DLGAP2: variants seen among roughly 807,000 people sequenced by gnomAD.
DLGAP2 encodes DLG associated protein 2.
In DLGAP2, 26 loss-of-function variants were observed where a neutral mutation model predicts 100.3. The observed-to-expected ratio is 0.26, with a 90% CI of 0.19 to 0.36. The LOEUF is 0.36. Among genes scored for constraint, DLGAP2 ranks in the 10% least tolerant of loss-of-function variants. DLGAP2 has a pLI of 1.00. For synonymous variants in DLGAP2, 886 were observed against 630.1 expected, an observed-to-expected ratio of 1.41 and a Z score of -6.08; for missense variants, 1,858 against 1,453.2, an observed-to-expected ratio of 1.28 and a Z score of -4.53.
intron 2 of DLGAP2, among the ~76,000 whole-genome samples, chr8:1,074,000 G>A (rs892519168): frequency 1.5e-4 from 23 of 149,286 alleles, no homozygotes; most frequent in African/African-American, 5.9e-4. Flanking sequence ...TAACAGAAGG[G>A]TTTGCAGCAG....
intron 5 of DLGAP2, among the ~76,000 whole-genome samples, chr8:1,556,965 G>A (rs1477068827): frequency 6.6e-6 from 1 of 152,086 alleles, no homozygotes; most frequent in South Asian, 2.1e-4. Context: ...GGAGATGCTT[G>A]TGGGGTCGGT....
At chr8:820,713 T>C (rs898723370) in intron 1 of DLGAP2, among the ~76,000 whole-genome samples, 2 of 152,186 alleles carry the variant, frequency 1.3e-5, no homozygotes, top group African/African-American at 4.8e-5. Context: ...ACTCAGTAAT[T>C]CTGTCTAGAA....
chr8:1,081,260 C>A (rs1585041892), intron 2 of DLGAP2, among the ~76,000 whole-genome samples: 1 of 152,204 alleles, frequency 6.6e-6, no homozygotes, highest in African/African-American at 2.4e-5. Flanking sequence ...CAGGTTCCTG[C>A]ACTTAGTAAA....
chr8:1,067,033 C>T (rs1216885139), intron 2 of DLGAP2, among the ~76,000 whole-genome samples: 1 of 152,282 alleles, frequency 6.6e-6, no homozygotes, highest in East Asian at 1.9e-4. Context: ...GTTTGGTTTG[C>T]TGCAGAGAGG....
chr8:1,700,032 T>G (rs977016965), intron 14 of DLGAP2, among the ~76,000 whole-genome samples: 1 of 152,202 alleles, frequency 6.6e-6, no homozygotes, highest in African/African-American at 2.4e-5. Flanking sequence ...CCCCATTGTT[T>G]TAGATGGATG....
chr8:1,551,934 G>T (rs1801781610), intron 5 of DLGAP2, among the ~76,000 whole-genome samples: 1 of 152,176 alleles, frequency 6.6e-6, no homozygotes, highest in South Asian at 2.1e-4. Context: ...CCTGGCAGCT[G>T]CTGATGAGCC....
intron 6 of DLGAP2, among the ~76,000 whole-genome samples, chr8:1,597,347 C>G (rs765038970): frequency 6.7e-6 from 1 of 150,172 alleles, no homozygotes; most frequent in Non-Finnish European, 1.5e-5. Flanking sequence ...GCTATATGGA[C>G]TCTTTTTTGA....
At chr8:1,183,205 C>T (rs527986052) in intron 2 of DLGAP2, among the ~76,000 whole-genome samples, 4 of 152,132 alleles carry the variant, frequency 2.6e-5, no homozygotes, top group East Asian at 1.9e-4. Flanking sequence ...GAGGGCGTCT[C>T]GGAGCGGGGT....
chr8:1,681,640 T>A (rs1191881127), intron 12 of DLGAP2, among the ~76,000 whole-genome samples: 1 of 152,002 alleles, frequency 6.6e-6, no homozygotes, highest in East Asian at 1.9e-4. Flanking sequence ...CAAGACCCTG[T>A]CTCAAAAAAG....
At chr8:972,303 C>G (rs1337017875) in intron 2 of DLGAP2, among the ~76,000 whole-genome samples, 2 of 152,142 alleles carry the variant, frequency 1.3e-5, no homozygotes, top group East Asian at 3.9e-4. Flanking sequence ...AATCTGAAGA[C>G]ACAAAGCAAG....
In DLGAP2 at chr8:1,549,530, G is replaced by C; in HGVS notation, c.1077G>C (p.Leu359=). Reference sequence around the variant, plus strand: ...GCTCGGCCTGTGAGGGGTTGGCGCTGACGCCCGACGCCAAGTACCTGAAGC... The same window carrying C: ...GCTCGGCCTGTGAGGGGTTGGCGCTCACGCCCGACGCCAAGTACCTGAAGC... ...VKCSACEGLA[L]TPDAKYLKRS... Residue 359 remains leucine (L), a synonymous_variant, in exon 5 of 15, where the codon CTG becomes CTC. Coordinates refer to ENST00000637795, the MANE Select transcript of DLGAP2 (RefSeq NM_001346810.2). 1.2e-6 allele frequency: 2 copies of C among 1,613,382 alleles called. No homozygotes were observed.
At chr8:788,063 C>A (rs776294089) in intron 1 of DLGAP2, among the ~76,000 whole-genome samples, 1 of 152,220 alleles carries the variant, frequency 6.6e-6, no homozygotes, top group Non-Finnish European at 1.5e-5. Flanking sequence ...AGCGATGGCA[C>A]TGGATCCCTC....
At chr8:967,765 GTATATATATATATGTATATATATA>G (rs1382528445) in intron 2 of DLGAP2, among the ~76,000 whole-genome samples, 1 of 52,636 alleles carries the variant, frequency 1.9e-5, no homozygotes, top group Non-Finnish European at 3.7e-5. Context: ...ACAAAGAGGT[GTATATATATATATGTATATATATA>G]TATATACACC....
intron 6 of DLGAP2, among the ~76,000 whole-genome samples, chr8:1,589,442 G>A (rs1347404230): frequency 2.0e-5 from 3 of 152,074 alleles, no homozygotes; most frequent in African/African-American, 7.2e-5. Context: ...GTGTCTCCAA[G>A]GTAATTTTTT....
chr8:1,532,622 A>C (rs779279071), intron 4 of DLGAP2, among the ~76,000 whole-genome samples: 3 of 152,216 alleles, frequency 2.0e-5, no homozygotes. Flanking sequence ...ACTGCATCCT[A>C]ATCATAACAG....
chr8:1,271,475 A>T (rs1159711233), intron 3 of DLGAP2, among the ~76,000 whole-genome samples: 1 of 152,212 alleles, frequency 6.6e-6, no homozygotes, highest in Non-Finnish European at 1.5e-5. Context: ...GTCTTGCCCC[A>T]AGCCCATTTA....
intron 1 of DLGAP2, among the ~76,000 whole-genome samples, chr8:767,298 G>A (rs1427326868): frequency 6.6e-6 from 1 of 151,804 alleles, no homozygotes; most frequent in Non-Finnish European, 1.5e-5. Flanking sequence ...AGCAGTTCAA[G>A]GATGCCCAAA....
At chr8:780,893 G>C (rs1333590955) in intron 1 of DLGAP2, among the ~76,000 whole-genome samples, 1 of 152,130 alleles carries the variant, frequency 6.6e-6, no homozygotes, top group Non-Finnish European at 1.5e-5. Flanking sequence ...TACCAGAGTA[G>C]CAATTATTGA....
intron 2 of DLGAP2, among the ~76,000 whole-genome samples, chr8:922,197 C>T (rs1211538752): frequency 3.3e-5 from 5 of 152,168 alleles, no homozygotes; most frequent in Non-Finnish European, 5.9e-5. Context: ...GGGTGTGAGC[C>T]AGATAATACT....
Sources: allele counts gnomAD v4.1 joint callset (sites outside exome capture counted in the v4.1 genomes callset), GRCh38; gene constraint gnomAD v4.1.1; transcripts MANE v1.5; gene names NCBI Gene and HGNC (gene_info 2026-07-23, HGNC 2026-07-21).